The following FAM20A variants were observed in gnomAD, a reference collection of about 807,000 sequenced individuals.
The protein encoded by FAM20A is FAM20A golgi associated secretory pathway pseudokinase, also known as pseudokinase FAM20A.
Under a neutral mutation model 52.0 loss-of-function variants are expected in FAM20A, and 42 were observed. That is an observed-to-expected ratio of 0.81 (90% CI 0.63 to 1.04). The LOEUF is 1.04. FAM20A is among the 50% of genes least tolerant of loss of function. The probability of loss-of-function intolerance (pLI) is 0.00; values close to 1 mark genes in which losing one functional copy is unlikely to be tolerated. For synonymous variants in FAM20A, 304 were observed against 298.9 expected, an observed-to-expected ratio of 1.02 and a Z score of -0.18; for missense variants, 742 against 712.7, an observed-to-expected ratio of 1.04 and a Z score of -0.47.
At position 68,600,716 on chromosome 17, in the gene FAM20A, TC is replaced by T. The variant is rs1206769974; in HGVS notation, c.-51del. 6.6e-7 allele frequency: 1 copy of T among 1,516,738 alleles called. No homozygotes were observed. Among genetic ancestry groups the T allele is most frequent in the Non-Finnish European group, 8.8e-7 (1 of 1,138,476 alleles). The allele number at this position is 1,516,738 out of a possible 1,614,324, so 94.0% of individuals were successfully genotyped here. A position where few individuals can be genotyped will look rare whatever the true frequency, so the allele number is the denominator to read the frequency against. On this transcript the variant is annotated 5_prime_UTR_variant, in exon 1 of 11. Transcript: ENST00000592554. The surrounding 1 kb of genome is among the most constrained non-coding windows in gnomAD (Gnocchi z 6.2). Reference sequence around the variant, plus strand: ...GGGGGCAGGCCGGCTGTCTCCGGGGTCCCGGGAGGGGTCGCGGGGTGCGGGC... The same window carrying T: ...GGGGGCAGGCCGGCTGTCTCCGGGGTCCGGGAGGGGTCGCGGGGTGCGGGC...
intron 1 of FAM20A, among the ~76,000 whole-genome samples, chr17:68,576,015 G>A (rs542540537): frequency 7.2e-5 from 11 of 151,904 alleles, no homozygotes; most frequent in Non-Finnish European, 1.3e-4. Flanking sequence ...ATCTCATCCC[G>A]AATTCTGAAA....
intron 4 of FAM20A, among the ~76,000 whole-genome samples, chr17:68,548,171 A>G (rs2086654948): frequency 6.6e-6 from 1 of 152,222 alleles, no homozygotes; most frequent in Non-Finnish European, 1.5e-5. Flanking sequence ...AAGGTTGGCA[A>G]TCACTTGAGG....
At chr17:68,551,239 T>C (rs2086820933) in intron 4 of FAM20A, 2 of 822,734 alleles carry the variant, frequency 2.4e-6, no homozygotes, top group Non-Finnish European at 3.3e-6. Flanking sequence ...ATTATTTCAC[T>C]CATCTCTATG....
chr17:68,555,639 C>T lies in FAM20A; in HGVS notation c.509G>A (p.Arg170His), dbSNP rs200466905. The change falls in exon 2 of 11, where the codon CGC becomes CAC. Residue 170 changes from arginine (R) to histidine (H), a missense_variant. Arg to His is a conservative substitution (Grantham distance 29). Coordinates refer to ENST00000592554, the MANE Select transcript of FAM20A (RefSeq NM_017565.4). Reference protein sequence around the residue: ...SWVQFHLGINRHGLYSRSSPV... With the variant: ...SWVQFHLGINHHGLYSRSSPV... ...GCTGGACCGGGAGTAGAGCCCATGG[C>T]GGTTAATACCCAGGTGGAACTGGAC... 2.1e-5 allele frequency: 34 copies of T among 1,613,724 alleles called. No individual in the cohort carries two copies. In the South Asian group the frequency reaches 2.2e-4, roughly 10 times the overall value.
chr17:68,564,150 C>T (rs2087305233), intron 1 of FAM20A, among the ~76,000 whole-genome samples: 2 of 151,700 alleles, frequency 1.3e-5, no homozygotes, highest in South Asian at 4.2e-4. Context: ...ATCCTGCAGC[C>T]CCCCACGAGA....
intron 9 of FAM20A, 151 bp from the exon 10 acceptor site, chr17:68,539,547 C>G (rs1267224396): frequency 9.3e-6 from 7 of 748,874 alleles, no homozygotes; most frequent in African/African-American, 3.4e-5. Flanking sequence ...TCTCCCCAGT[C>G]AGATCACAAA....
At chr17:68,573,554 CCT>C (rs901103532) in intron 1 of FAM20A, among the ~76,000 whole-genome samples, 4 of 137,334 alleles carry the variant, frequency 2.9e-5, no homozygotes, top group East Asian at 4.2e-4. Context: ...CCTTTCTTTC[CCT>C]CTCTTTCTCT....
At chr17:68,560,054 C>T (rs2087166437) in intron 1 of FAM20A, among the ~76,000 whole-genome samples, 1 of 152,132 alleles carries the variant, frequency 6.6e-6, no homozygotes, top group African/African-American at 2.4e-5. Context: ...GGTGATTGGG[C>T]CATGAGGGCA....
chr17:68,581,567 CTCT>C (rs1375763459), intron 1 of FAM20A, among the ~76,000 whole-genome samples: 5 of 122,390 alleles, frequency 4.1e-5, no homozygotes, highest in African/African-American at 1.5e-4. Context: ...TCCTCTCTCT[CTCT>C]TTCTTTTTTC....
intron 1 of FAM20A, among the ~76,000 whole-genome samples, chr17:68,585,495 T>C (rs2088141469): frequency 1.3e-5 from 2 of 152,140 alleles, no homozygotes; most frequent in African/African-American, 4.8e-5. Context: ...TTTTAAATTA[T>C]ACTTTAAGTT....
At chr17:68,547,514 C>G (rs186055777) in intron 4 of FAM20A, among the ~76,000 whole-genome samples, 1 of 152,312 alleles carries the variant, frequency 6.6e-6, no homozygotes, top group Non-Finnish European at 1.5e-5. Context: ...TCTGGATAAC[C>G]TGCTGCAGCT....
chr17:68,552,012 C>G (rs1173185569), intron 3 of FAM20A, 61 bp from the exon 4 acceptor site: 2 of 1,105,990 alleles, frequency 1.8e-6, no homozygotes, highest in Admixed American at 2.0e-5. Context: ...GCTTGTGACT[C>G]TGTTCCTTCA....
Position 68,600,799 on chromosome 17 carries a change from C to G in FAM20A, c.-133G>C. On this transcript the variant is annotated 5_prime_UTR_variant, in exon 1 of 11. Coordinates refer to ENST00000592554, the MANE Select transcript of FAM20A (RefSeq NM_017565.4). This position sits in a 1 kb window ranked among gnomAD's most constrained non-coding sequence, Gnocchi z 6.2. ...CGGGGTCAGTGAGACCGGAATGCTC[C>G]CCGCGCGGGCTAGTCCCCTGTGGAG... 1.0e-6 allele frequency: 1 copy of G among 994,380 alleles called. No individual in the cohort carries two copies. Among genetic ancestry groups the G allele is most frequent in the African/African-American group, 1.7e-5 (1 of 59,520 alleles). The allele number at this position is 994,380 out of a possible 1,614,324, so 61.6% of individuals were successfully genotyped here. A position where few individuals can be genotyped will look rare whatever the true frequency, so the allele number is the denominator to read the frequency against.
intron 1 of FAM20A, among the ~76,000 whole-genome samples, chr17:68,570,517 T>C (rs993730278): frequency 1.3e-5 from 2 of 152,354 alleles, no homozygotes; most frequent in African/African-American, 2.4e-5. Flanking sequence ...AAGCCCAGTA[T>C]AGGAGAAGTT....
chr17:68,551,082 AG>A (rs2086813315), intron 4 of FAM20A: 11 of 1,234,238 alleles, frequency 8.9e-6, no homozygotes, highest in Non-Finnish European at 1.0e-5. Context: ...TCTTTTCTGC[AG>A]GTCACCTCAT....
At chr17:68,552,970 C>T (rs1324948744) in intron 3 of FAM20A, among the ~76,000 whole-genome samples, 9 of 152,080 alleles carry the variant, frequency 5.9e-5, no homozygotes, top group South Asian at 4.2e-4. Context: ...CGTGAGCCAC[C>T]GTGCCCGGCC....
intron 1 of FAM20A, among the ~76,000 whole-genome samples, chr17:68,561,981 A>G (rs115609979): frequency 0.021 from 3,236 of 151,828 alleles, 115 homozygotes; most frequent in African/African-American, 0.074. Context: ...ATGCCACCAC[A>G]CCTGGCTAAG....
intron 1 of FAM20A, among the ~76,000 whole-genome samples, chr17:68,569,757 A>T (rs1016376426): frequency 2.6e-5 from 4 of 152,172 alleles, no homozygotes; most frequent in Non-Finnish European, 5.9e-5. Flanking sequence ...AAAGGCAATG[A>T]TCTATCCACC....
intron 1 of FAM20A, among the ~76,000 whole-genome samples, chr17:68,585,185 CAG>C (rs2088131885): frequency 6.6e-6 from 1 of 152,182 alleles, no homozygotes; most frequent in Non-Finnish European, 1.5e-5. Context: ...TCCCTGTAGA[CAG>C]AGGTCAGTGG....
Sources: gnomAD v4.1 joint callset for allele counts (sites outside exome capture counted in the v4.1 genomes callset) on GRCh38, gnomAD v4.1.1 for gene constraint, Gnocchi (gnomAD v3.1) non-coding constraint, MANE v1.5 for transcripts, NCBI Gene and HGNC (gene_info 2026-07-23, HGNC 2026-07-21) for gene names.